The following GALNT1 variants were observed in gnomAD, a reference collection of about 807,000 sequenced individuals.
The protein encoded by GALNT1 is polypeptide N-acetylgalactosaminyltransferase 1, also known as GalNAc transferase 1.
Under a neutral mutation model 65.7 loss-of-function variants are expected in GALNT1, and 17 were observed. The observed-to-expected ratio is 0.26, with a 90% CI of 0.18 to 0.39. GALNT1 has a LOEUF of 0.39. GALNT1 is among the 10% of genes least tolerant of loss of function. GALNT1 has a pLI of 1.00. For synonymous variants in GALNT1, 210 were observed against 219.7 expected (o/e 0.96, Z 0.39); for missense variants, 460 against 672.8 (o/e 0.68, Z 3.50).
Position 35,687,122 on chromosome 18 carries a change from C to T in GALNT1, c.796C>T (p.Arg266Cys). 1.9e-6 allele frequency: 3 copies of T among 1,613,820 alleles called. No homozygotes were observed. Among genetic ancestry groups the T allele is most frequent in the Non-Finnish European group, 1.7e-6 (2 of 1,179,840 alleles). The change falls in exon 6 of 12, where the codon CGC becomes TGC. Residue 266 changes from arginine (R) to cysteine (C), a missense_variant. Coordinates refer to ENST00000269195, the MANE Select transcript of GALNT1 (RefSeq NM_020474.4). ...YGGFNWKLNF[R>C]WYPVPQREMD... ...TGGGTTCAACTGGAAGCTCAATTTT[C>T]GCTGGTATCCTGTTCCCCAAAGAGA...
At chr18:35,592,294 A>G (rs191237871) in intron 1 of GALNT1, among the ~76,000 whole-genome samples, 1 of 152,338 alleles carries the variant, frequency 6.6e-6, no homozygotes. Flanking sequence ...TGATCATACA[A>G]TTTAATGAGG....
chr18:35,696,170 T>TAA (rs1168224192), intron 9 of GALNT1, among the ~76,000 whole-genome samples: 1 of 152,308 alleles, frequency 6.6e-6, no homozygotes, highest in South Asian at 2.1e-4. Flanking sequence ...TCCTACAGGT[T>TAA]AAAAGTGTCA....
At position 35,668,584 on chromosome 18, in the gene GALNT1, A is replaced by G. The variant is rs1420590604; in HGVS notation, c.314+4782A>G. On this transcript the variant is annotated intron_variant, in intron 3 of 11. Transcript: ENST00000269195. ...TTAAAATAGTCAAACTCGTAGAGGC[A>G]GGGTGTAGAATAGTAGTTGCCAGGG... 2.0e-5 allele frequency among the ~76,000 whole-genome samples: 3 copies of G among 152,304 alleles called. No individual in the cohort carries two copies. In the South Asian group the frequency reaches 6.2e-4, roughly 32 times the overall value.
intron 1 of GALNT1, among the ~76,000 whole-genome samples, chr18:35,602,346 T>A (rs1000350829): frequency 7.2e-5 from 11 of 152,180 alleles, no homozygotes; most frequent in African/African-American, 2.7e-4. Context: ...GGGGTAGCGT[T>A]ATTTGGGTTG....
chr18:35,643,722 G>A (rs182708693), intron 1 of GALNT1, among the ~76,000 whole-genome samples: 48 of 151,738 alleles, frequency 3.2e-4, no homozygotes, highest in Admixed American at 1.5e-3. Context: ...GGCGTGAACC[G>A]GGGAGGTGGA....
intron 1 of GALNT1, among the ~76,000 whole-genome samples, chr18:35,592,211 T>C (rs2046453697): frequency 6.6e-6 from 1 of 152,132 alleles, no homozygotes; most frequent in Non-Finnish European, 1.5e-5. Context: ...TGGGCACATA[T>C]TTATTGAGTA....
chr18:35,634,199 A>G (rs2047059983), intron 1 of GALNT1, among the ~76,000 whole-genome samples: 1 of 152,202 alleles, frequency 6.6e-6, no homozygotes, highest in South Asian at 2.1e-4. Context: ...ATGGGGCTAT[A>G]AGGAAAATAT....
chr18:35,677,840 A>G, intron 4 of GALNT1, 83 bp downstream of exon 4: 2 of 996,762 alleles, frequency 2.0e-6, no homozygotes, highest in East Asian at 2.8e-5. Flanking sequence ...TTTTTAACCT[A>G]ATAATTTTAT....
chr18:35,701,276 G>A (rs1347742980), intron 9 of GALNT1, among the ~76,000 whole-genome samples: 1 of 152,124 alleles, frequency 6.6e-6, no homozygotes, highest in African/African-American at 2.4e-5. Flanking sequence ...GTCTTGCTAT[G>A]TTGCAAGTCT....
chr18:35,688,658 GAA>G (rs200473545), intron 6 of GALNT1, among the ~76,000 whole-genome samples: 2,223 of 152,180 alleles, frequency 0.015, 33 homozygotes, highest in Non-Finnish European at 0.019. Context: ...TGGGTATTAG[GAA>G]AAGACCTCAC....
chr18:35,611,142 A>G (rs754129621), intron 1 of GALNT1, among the ~76,000 whole-genome samples: 5 of 152,178 alleles, frequency 3.3e-5, no homozygotes, highest in Admixed American at 6.5e-5. Context: ...TATATTTTCA[A>G]ATATCTCCTA....
At chr18:35,609,959 G>C (rs2046696335) in intron 1 of GALNT1, among the ~76,000 whole-genome samples, 1 of 152,058 alleles carries the variant, frequency 6.6e-6, no homozygotes, top group Non-Finnish European at 1.5e-5. Context: ...GTCATTTTTT[G>C]AGATGAATGG....
At chr18:35,626,492 A>T (rs1357924122) in intron 1 of GALNT1, among the ~76,000 whole-genome samples, 2 of 152,086 alleles carry the variant, frequency 1.3e-5, no homozygotes, top group Non-Finnish European at 2.9e-5. Context: ...TCCTCCACTG[A>T]TTTGTATCTT....
intron 1 of GALNT1, among the ~76,000 whole-genome samples, chr18:35,582,615 C>A (rs566534625): frequency 1.3e-5 from 2 of 152,304 alleles, no homozygotes; most frequent in East Asian, 3.8e-4. Context: ...GGGCAATAGG[C>A]AAAGTAGTCT....
In GALNT1 at chr18:35,654,738, C is replaced by A; in HGVS notation, c.76C>A (p.Leu26Ile). The stretch of plus-strand genomic sequence containing the variant: ...GGTACTCTTGGATATGTTCCTGCTG[C>A]TTTACTTCAGTGAATGCAACAAATG... ...IWVLLDMFLL[L>I]YFSECNKCDE... is the part of the protein sequence containing the mutation. Residue 26 changes from leucine to isoleucine, a missense_variant, in exon 2 of 12, where the codon CTT (leucine) becomes ATT (isoleucine). Leu to Ile is a conservative substitution (Grantham distance 5). Transcript: ENST00000269195. 6.3e-7 allele frequency: 1 copy of A among 1,581,280 alleles called. No homozygotes were observed. The highest frequency in any genetic ancestry group is 8.6e-7 in the Non-Finnish European group (1 of 1,161,794).
At chr18:35,656,509 A>G (rs973017599) in intron 2 of GALNT1, among the ~76,000 whole-genome samples, 16 of 152,256 alleles carry the variant, frequency 1.1e-4, no homozygotes, top group Admixed American at 3.3e-4. Flanking sequence ...CCAGCTTAGT[A>G]TCAGCTTGAG....
intron 1 of GALNT1, among the ~76,000 whole-genome samples, chr18:35,629,006 A>G (rs2046963585): frequency 6.6e-6 from 1 of 152,216 alleles, no homozygotes; most frequent in Non-Finnish European, 1.5e-5. Context: ...GTGAGAAGAG[A>G]AGTTTGGAGA....
intron 1 of GALNT1, among the ~76,000 whole-genome samples, chr18:35,616,841 C>T (rs533072203): frequency 6.6e-6 from 1 of 152,070 alleles, no homozygotes; most frequent in East Asian, 1.9e-4. Context: ...CTAGTATGGT[C>T]CACCCCTCAA....
chr18:35,642,407 G>A (rs1028204134), intron 1 of GALNT1, among the ~76,000 whole-genome samples: 9 of 152,142 alleles, frequency 5.9e-5, no homozygotes, highest in Non-Finnish European at 1.2e-4. Flanking sequence ...GTATAAATAA[G>A]GCATTGTTAA....
Sources: allele counts gnomAD v4.1 joint callset (sites outside exome capture counted in the v4.1 genomes callset), GRCh38; gene constraint gnomAD v4.1.1; transcripts MANE v1.5; gene names NCBI Gene and HGNC (gene_info 2026-07-23, HGNC 2026-07-21).